NEMP2: variants seen among roughly 807,000 people sequenced by gnomAD.
NEMP2 encodes the protein UPF0571 transmembrane protein.
A neutral mutation model predicts 54.2 loss-of-function variants in NEMP2; 53 were observed. That is an observed-to-expected ratio of 0.98 (90% confidence interval 0.78 to 1.23). The LOEUF (loss-of-function observed/expected upper bound fraction) is 1.23. Ranked by LOEUF, NEMP2 falls within the 50% of genes most tolerant of loss-of-function variation. NEMP2 has a pLI of 0.00. For missense variants in NEMP2, 455 were observed against 511.3 expected, an observed-to-expected ratio of 0.89 and a Z score of 1.06; for synonymous variants, 197 against 190.3, an observed-to-expected ratio of 1.04 and a Z score of -0.29.
At chr2:190,503,121 T>C (rs1219447468), downstream of NEMP2, among the ~76,000 whole-genome samples, 6 of 152,238 alleles carry the variant, frequency 3.9e-5, no homozygotes, top group African/African-American at 7.2e-5. This position sits in a 1 kb window ranked among gnomAD's most constrained non-coding sequence, Gnocchi z 6.3. Context: ...TTTCTAGATA[T>C]TCCTAGATTC....
upstream of NEMP2, among the ~76,000 whole-genome samples, chr2:190,537,824 A>T (rs1691425883): frequency 6.6e-6 from 1 of 152,164 alleles, no homozygotes; most frequent in Non-Finnish European, 1.5e-5. Flanking sequence ...TATGGGGAAA[A>T]TGTCTCCAGG....
At position 190,519,114 on chromosome 2, in the gene NEMP2, C is replaced by T; in HGVS notation, c.283G>A (p.Glu95Lys). 2 of 1,551,140 alleles carry T rather than the reference C, an allele frequency of 1.3e-6. No individual in the cohort carries two copies. The highest frequency in any genetic ancestry group is 1.7e-6 in the Non-Finnish European group (2 of 1,146,954). ...IAERHNCQYPENILSFIKCVI... is the reference protein window; with the variant it reads ...IAERHNCQYPKNILSFIKCVI... ...CATTTGATAAAAGATAGAATGTTTT[C>T]TGGATATTGGCAATTATGTCTTTCT... Residue 95 changes from glutamate to lysine, a missense_variant, in exon 3 of 9, where the codon GAA becomes AAA. Around this residue, in one of 3 missense-constraint regions of NEMP2, gnomAD observed 61 missense variants for 97.5 expected, o/e 0.63. Transcript: ENST00000409150. This position sits in a 1 kb window ranked among gnomAD's most constrained non-coding sequence, Gnocchi z 5.4.
the NEMP2 span, among the ~76,000 whole-genome samples, chr2:190,462,467 C>T: frequency 6.6e-6 from 1 of 152,142 alleles, no homozygotes; most frequent in African/African-American, 2.4e-5. This position sits in a 1 kb window ranked among gnomAD's most constrained non-coding sequence, Gnocchi z 5.7. Flanking sequence ...CATATTTTAT[C>T]AGTTTACATA....
chr2:190,628,662 T>C, the NEMP2 span: 1 of 152,292 alleles, frequency 6.6e-6, no homozygotes, highest in Non-Finnish European at 1.5e-5. This position sits in a 1 kb window ranked among gnomAD's most constrained non-coding sequence, Gnocchi z 4.1. Context: ...GAGCTGGGGA[T>C]GGGCAGTGTT....
the NEMP2 span, among the ~76,000 whole-genome samples, chr2:190,495,379 C>T: frequency 2.0e-5 from 3 of 152,182 alleles, no homozygotes; most frequent in African/African-American, 7.2e-5. The surrounding 1 kb of genome is among the most constrained non-coding windows in gnomAD (Gnocchi z 4.7). Flanking sequence ...ATATCCCATG[C>T]TCATGGATGG....
chr2:190,627,605 A>AC, the NEMP2 span, among the ~76,000 whole-genome samples: 5 of 151,922 alleles, frequency 3.3e-5, no homozygotes, highest in Admixed American at 6.5e-5. The surrounding 1 kb of genome is among the most constrained non-coding windows in gnomAD (Gnocchi z 4.4). Flanking sequence ...AAAAAAAAAA[A>AC]AACCTTAACA....
rs1225368390 is a variant in NEMP2, at chr2:190,521,890, A to AATATAAGACTGAC, written c.214-2720_214-2708dup. ...GCTCCTTCCTTCTCCCTGAACTCTT[A>AATATAAGACTGAC]ATATAAGACTGACCCAGGCTTAGCC... is the stretch of plus-strand genomic sequence containing the variant. On this transcript the variant is annotated intron_variant, in intron 2 of 8. Coordinates refer to ENST00000409150, the MANE Select transcript of NEMP2 (RefSeq NM_001142645.2). This position sits in a 1 kb window ranked among gnomAD's most constrained non-coding sequence, Gnocchi z 6.2. Among the ~76,000 whole-genome samples, 4 of 152,030 alleles carry AATATAAGACTGAC rather than the reference A, an allele frequency of 2.6e-5. No homozygotes were observed. The highest frequency in any genetic ancestry group is 9.7e-5 in the African/African-American group (4 of 41,384).
At chr2:190,630,933 C>A in the NEMP2 span, among the ~76,000 whole-genome samples, 1 of 151,134 alleles carries the variant, frequency 6.6e-6, no homozygotes, top group Non-Finnish European at 1.5e-5. This position sits in a 1 kb window ranked among gnomAD's most constrained non-coding sequence, Gnocchi z 5.5. Context: ...GAGGCTGAGG[C>A]AGGAGGATTG....
chr2:190,524,382 G>A (rs1035019066), intron 2 of NEMP2, among the ~76,000 whole-genome samples: 1 of 152,024 alleles, frequency 6.6e-6, no homozygotes, highest in African/African-American at 2.4e-5. Flanking sequence ...CTCATTAAAG[G>A]GAAGAAAACA....
chr2:190,538,145 C>T (rs1691439175), upstream of NEMP2, among the ~76,000 whole-genome samples: 1 of 152,124 alleles, frequency 6.6e-6, no homozygotes, highest in Non-Finnish European at 1.5e-5. This position sits in a 1 kb window ranked among gnomAD's most constrained non-coding sequence, Gnocchi z 4.1. Flanking sequence ...CCCCTTACCT[C>T]TGGTAACCAC....
At chr2:190,473,621 T>C in the NEMP2 span, among the ~76,000 whole-genome samples, 1 of 152,120 alleles carries the variant, frequency 6.6e-6, no homozygotes, top group Non-Finnish European at 1.5e-5. Context: ...ACAATAATAA[T>C]TGGAGACTTT....
the NEMP2 span, chr2:190,624,889 A>C: frequency 6.6e-5 from 10 of 152,362 alleles, no homozygotes; most frequent in South Asian, 2.1e-3. Flanking sequence ...AGGGTAATGC[A>C]AACCAAAACC....
At chr2:190,566,510 C>T in the NEMP2 span, among the ~76,000 whole-genome samples, 2 of 151,904 alleles carry the variant, frequency 1.3e-5, no homozygotes, top group East Asian at 1.9e-4. Flanking sequence ...ATCACCTGAA[C>T]ATGGGAGGTC....
chr2:190,476,869 C>A, the NEMP2 span, among the ~76,000 whole-genome samples: 1 of 151,996 alleles, frequency 6.6e-6, no homozygotes, highest in Non-Finnish European at 1.5e-5. Context: ...GAGTACTATG[C>A]AGCCATAAAA....
the NEMP2 span, among the ~76,000 whole-genome samples, chr2:190,598,358 A>C: frequency 7.2e-5 from 11 of 152,262 alleles, no homozygotes; most frequent in Non-Finnish European, 1.5e-4. Flanking sequence ...AGTTACTCAA[A>C]GATGCTTACA....
chr2:190,503,507 T>C (rs538175253), downstream of NEMP2, among the ~76,000 whole-genome samples: 37 of 152,316 alleles, frequency 2.4e-4, no homozygotes, highest in African/African-American at 8.9e-4. The surrounding 1 kb of genome is among the most constrained non-coding windows in gnomAD (Gnocchi z 6.3). Flanking sequence ...AAGAGATCCT[T>C]TCGGGAGATC....
At chr2:190,470,980 C>T in the NEMP2 span, among the ~76,000 whole-genome samples, 2 of 152,028 alleles carry the variant, frequency 1.3e-5, no homozygotes, top group African/African-American at 2.4e-5. Context: ...ATTCTGTTTA[C>T]AAATATATAG....
At chr2:190,516,429 C>T in intron 5 of NEMP2, 45 bp from the exon 6 acceptor site, 2 of 1,377,248 alleles carry the variant, frequency 1.5e-6, no homozygotes, top group Non-Finnish European at 2.0e-6. Context: ...GGTTCATTCA[C>T]TCTCATAAAA....
chr2:190,525,242 G>T lies in NEMP2; in HGVS notation c.213+21C>A, dbSNP rs1450634559. 7.8e-7 allele frequency: 1 copy of T among 1,282,842 alleles called. No homozygotes were observed. Among genetic ancestry groups the T allele is most frequent in the Non-Finnish European group, 1.1e-6 (1 of 906,268 alleles). 79.5% of individuals were successfully genotyped at this position (1,282,842 alleles called of 1,614,324 possible). A position where few individuals can be genotyped will look rare whatever the true frequency, so the allele number is the denominator to read the frequency against. The stretch of plus-strand genomic sequence containing the variant: ...TGGTAATTCTCTGTCCCTAAGACAT[G>T]AGTTAAAAGTAGGCCCTTACCTGCA... On this transcript the variant is annotated intron_variant, in intron 2 of 8. Coordinates refer to ENST00000409150, the MANE Select transcript of NEMP2 (RefSeq NM_001142645.2). This position sits in a 1 kb window ranked among gnomAD's most constrained non-coding sequence, Gnocchi z 5.0.
Sources: gnomAD v4.1 joint callset for allele counts (sites outside exome capture counted in the v4.1 genomes callset) on GRCh38, gnomAD v4.1.1 for gene constraint, gnomAD v4.1.1 regional missense constraint, Gnocchi (gnomAD v3.1) non-coding constraint, MANE v1.5 for transcripts, NCBI Gene and HGNC (gene_info 2026-07-23, HGNC 2026-07-21) for gene names.